GFRA2: variants seen among roughly 807,000 people sequenced by gnomAD.
GFRA2 encodes the protein GDNF family receptor alpha 2.
A neutral mutation model predicts 48.3 loss-of-function variants in GFRA2; 17 were observed. That is an observed-to-expected ratio of 0.35 (90% CI 0.24 to 0.53). The LOEUF (loss-of-function observed/expected upper bound fraction) is 0.53, where lower values mean the gene tolerates loss of function less well. Among genes scored for constraint, GFRA2 ranks in the 20% least tolerant of loss-of-function variants. The pLI is 0.93. For missense variants in GFRA2, 660 were observed against 637.3 expected (o/e 1.04, Z -0.38); for synonymous variants, 305 against 257.2 (o/e 1.19, Z -1.78).
At chr8:21,714,503 A>T (rs970779857) in intron 4 of GFRA2, among the ~76,000 whole-genome samples, 2 of 151,980 alleles carry the variant, frequency 1.3e-5, no homozygotes, top group Non-Finnish European at 2.9e-5. Flanking sequence ...CACCCACCTC[A>T]GCCTCCCAAA....
In GFRA2 at chr8:21,690,433, C is replaced by T. The variant is rs536275524; in HGVS notation, c.*2845G>A. 1 of 152,136 alleles carries T rather than the reference C, an allele frequency of 6.6e-6. No homozygotes were observed. The allele number at this position is 152,136 out of a possible 1,614,324, so 9.4% of individuals were successfully genotyped here. A position where few individuals can be genotyped will look rare whatever the true frequency, so the allele number is the denominator to read the frequency against. On this transcript the variant is annotated 3_prime_UTR_variant, in exon 9 of 9. Transcript: ENST00000524240. ...ATAGCAACAATTTATTCTTCTAGTT[C>T]GATTTGCATATTTTGAGAGAATCAC...
intron 3 of GFRA2, among the ~76,000 whole-genome samples, chr8:21,762,262 A>C (rs965877898): frequency 6.6e-6 from 1 of 152,106 alleles, no homozygotes; most frequent in Admixed American, 6.6e-5. Flanking sequence ...GAAGCAATAC[A>C]TCAGTGTCCC....
At chr8:21,697,075 G>T (rs111215821) in intron 7 of GFRA2, among the ~76,000 whole-genome samples, 12,022 of 72,008 alleles carry the variant, frequency 0.17, 2,321 homozygotes, top group East Asian at 0.22. Context: ...ACCGAGGAGG[G>T]TAGATGGGAC....
At chr8:21,737,570 C>T (rs1235228701) in intron 4 of GFRA2, among the ~76,000 whole-genome samples, 1 of 152,098 alleles carries the variant, frequency 6.6e-6, no homozygotes, top group Non-Finnish European at 1.5e-5. Flanking sequence ...CCCAAAGCTC[C>T]AACCTTACGC....
intron 4 of GFRA2, among the ~76,000 whole-genome samples, chr8:21,713,667 T>C (rs1423792518): frequency 2.0e-5 from 3 of 152,098 alleles, no homozygotes; most frequent in South Asian, 2.1e-4. Flanking sequence ...AAAAGCATCA[T>C]ATCAACTGGG....
At chr8:21,738,932 T>C (rs1804616829) in intron 4 of GFRA2, among the ~76,000 whole-genome samples, 2 of 152,184 alleles carry the variant, frequency 1.3e-5, no homozygotes, top group African/African-American at 2.4e-5. Context: ...GGTGCTACTG[T>C]CCTTATTTTG....
At chr8:21,702,382 C>T (rs1171252349) in intron 7 of GFRA2, among the ~76,000 whole-genome samples, 2 of 152,152 alleles carry the variant, frequency 1.3e-5, no homozygotes, top group Non-Finnish European at 2.9e-5. Context: ...GCAATGGGTG[C>T]CCAGGAGGGA....
intron 1 of GFRA2, among the ~76,000 whole-genome samples, chr8:21,785,001 G>C (rs1807198970): frequency 1.3e-5 from 2 of 152,054 alleles, no homozygotes; most frequent in Non-Finnish European, 2.9e-5. Context: ...TATAACCCTG[G>C]GCCCTCCACT....
At chr8:21,694,349 C>G in intron 8 of GFRA2, 115 bp downstream of exon 8, 1 of 1,024,558 alleles carries the variant, frequency 9.8e-7, no homozygotes. Flanking sequence ...AGAAGCTCAG[C>G]TGGCCCAGCC....
chr8:21,751,048 G>A, intron 3 of GFRA2, 106 bp from the exon 4 acceptor site: 3 of 773,766 alleles, frequency 3.9e-6, no homozygotes, highest in African/African-American at 1.7e-5. Flanking sequence ...GCTTCCATGT[G>A]CCTGCTCTGT....
At chr8:21,783,995 G>T (rs1641565613) in intron 1 of GFRA2, among the ~76,000 whole-genome samples, 3 of 151,526 alleles carry the variant, frequency 2.0e-5, no homozygotes, top group African/African-American at 7.3e-5. Context: ...CCTTCCAAAA[G>T]CCAAATAATT....
chr8:21,808,339 T>C (rs1807910008), intron 1 of GFRA2, among the ~76,000 whole-genome samples: 1 of 152,194 alleles, frequency 6.6e-6, no homozygotes. Context: ...GAGATGGTGA[T>C]TTCTTGCATT....
chr8:21,716,115 G>C (rs945763823), intron 4 of GFRA2, among the ~76,000 whole-genome samples: 2 of 152,120 alleles, frequency 1.3e-5, no homozygotes, highest in African/African-American at 4.8e-5. Context: ...TTGAGGTCAA[G>C]AGTTCAAGAC....
chr8:21,733,907 A>G (rs1294608995), intron 4 of GFRA2, among the ~76,000 whole-genome samples: 2 of 152,202 alleles, frequency 1.3e-5, no homozygotes, highest in Non-Finnish European at 2.9e-5. Flanking sequence ...CGACAAAAGA[A>G]AAAAAATCAA....
chr8:21,770,764 G>A (rs981074681), intron 3 of GFRA2, among the ~76,000 whole-genome samples: 5 of 151,956 alleles, frequency 3.3e-5, no homozygotes, highest in Admixed American at 1.3e-4. Context: ...TGCCCAACCC[G>A]CCCAGTCCTC....
chr8:21,804,450 A>C (rs1392261350), intron 2 of GFRA2, among the ~76,000 whole-genome samples: 1 of 147,156 alleles, frequency 6.8e-6, no homozygotes, highest in African/African-American at 2.5e-5. Context: ...AAAAAAAACA[A>C]ACTGGTGCAT....
rs1563209393 is a variant in GFRA2, at chr8:21,694,071, T to TATATA, written c.1272+392_1272+393insTATAT. Among the ~76,000 whole-genome samples, 35 of 71,082 alleles carry TATATA rather than the reference T, an allele frequency of 4.9e-4. 2 individuals carry two copies. The highest frequency in any genetic ancestry group is 1.8e-3 in the African/African-American group (33 of 18,792). 46.6% of individuals were successfully genotyped at this position (71,082 alleles called of 152,430 possible). A position where few individuals can be genotyped will look rare whatever the true frequency, so the allele number is the denominator to read the frequency against. ...TATATATATTTATATATATATTTAT[T>TATATA]TATTTTTATATATATATATATTTCC... On this transcript the variant is annotated intron_variant, in intron 8 of 8. Transcript: ENST00000524240.
At chr8:21,801,181 G>A (rs1482776022) in intron 2 of GFRA2, among the ~76,000 whole-genome samples, 2 of 152,040 alleles carry the variant, frequency 1.3e-5, no homozygotes, top group Non-Finnish European at 2.9e-5. Flanking sequence ...TCGCCAAACT[G>A]TCCACACCTG....
At chr8:21,797,287 C>CTTTTTTTTTTTTTTTTTTTTTTTTTT (rs1159867192) in intron 2 of GFRA2, among the ~76,000 whole-genome samples, 3 of 85,646 alleles carry the variant, frequency 3.5e-5, no homozygotes, top group African/African-American at 9.5e-5. Flanking sequence ...CCTTTCTTTG[C>CTTTTTTTTTTTTTTTTTTTTTTTTTT]TTTTTTTTTT....
Sources: gnomAD v4.1 joint callset for allele counts (sites outside exome capture counted in the v4.1 genomes callset) on GRCh38, gnomAD v4.1.1 for gene constraint, MANE v1.5 for transcripts, NCBI Gene and HGNC (gene_info 2026-07-23, HGNC 2026-07-21) for gene names.